Variants in MICAL3 observed in about 807,000 individuals in gnomAD.
The protein encoded by MICAL3 is [F-actin]-monooxygenase MICAL3.
A neutral mutation model predicts 207.4 loss-of-function variants in MICAL3; 62 were observed. The observed-to-expected ratio is 0.30, with a 90% confidence interval of 0.24 to 0.37. The LOEUF (loss-of-function observed/expected upper bound fraction) is 0.37, where lower values mean the gene tolerates loss of function less well. MICAL3 is among the 10% of genes least tolerant of loss of function. The pLI is 1.00. For synonymous variants in MICAL3, 1,077 were observed against 1,069.3 expected (o/e 1.01, Z -0.14); for missense variants, 2,368 against 2,635.6 (o/e 0.90, Z 2.22).
At chr22:17,919,501 T>C (rs1028782594) in intron 1 of MICAL3, among the ~76,000 whole-genome samples, 4 of 152,248 alleles carry the variant, frequency 2.6e-5, no homozygotes, top group East Asian at 3.8e-4. Flanking sequence ...TGAGGACCAC[T>C]TGATGAACAA....
intron 1 of MICAL3, among the ~76,000 whole-genome samples, chr22:17,950,166 A>ATTTTTTTTTTTTTTTTTTT (rs10657913): frequency 2.8e-5 from 4 of 144,014 alleles, no homozygotes; most frequent in African/African-American, 1.1e-4. Context: ...ACAGCTGTCT[A>ATTTTTTTTTTTTTTTTTTT]TTTTTTTTTT....
chr22:17,789,077 GC>G lies in MICAL3; in HGVS notation c.*1654del, dbSNP rs2061806504. On this transcript the variant is annotated 3_prime_UTR_variant, in exon 32 of 32. Transcript: ENST00000441493. ...ATGAGCTGTACACAGCCAGGCTGGT[GC>G]GGAACCGTGAGAAAGGAACAGTTTG... 6.6e-6 allele frequency: 1 copy of G among 152,484 alleles called. No individual in the cohort carries two copies. Among genetic ancestry groups the G allele is most frequent in the East Asian group, 1.9e-4 (1 of 5,192 alleles). The allele number at this position is 152,484 out of a possible 1,614,324, so 9.4% of individuals were successfully genotyped here.
In MICAL3 at chr22:17,958,696, G is replaced by GTT. The variant is rs1569147160; in HGVS notation, c.-74-51811_-74-51810insAA. On this transcript the variant is annotated intron_variant, in intron 1 of 31. Coordinates refer to ENST00000441493, the MANE Select transcript of MICAL3 (RefSeq NM_015241.3). ...AGGGCCTGTTGTTTTTGAGTTGTTG[G>GTT]GTTTTTTTATTTTTTTTTTCTTTTG... 1.0e-4 allele frequency among the ~76,000 whole-genome samples: 13 copies of GTT among 126,346 alleles called. 1 individual carries two copies. The East Asian group carries it at 1.2e-3, about 12-fold the overall frequency. 82.9% of individuals were successfully genotyped at this position (126,346 alleles called of 152,430 possible).
At chr22:17,865,409 C>A (rs916045002) in intron 18 of MICAL3, among the ~76,000 whole-genome samples, 1 of 152,190 alleles carries the variant, frequency 6.6e-6, no homozygotes, top group African/African-American at 2.4e-5. Flanking sequence ...AGAAGCCACC[C>A]TCATTAAAAA....
intron 22 of MICAL3, among the ~76,000 whole-genome samples, chr22:17,824,422 C>T (rs1921954293): frequency 6.6e-6 from 1 of 152,248 alleles, no homozygotes; most frequent in Admixed American, 6.5e-5. Flanking sequence ...GAAGTAGCAT[C>T]TTCTCTCCAC....
intron 29 of MICAL3, among the ~76,000 whole-genome samples, chr22:17,808,101 G>A (rs998218575): frequency 6.6e-6 from 1 of 152,262 alleles, no homozygotes; most frequent in African/African-American, 2.4e-5. Flanking sequence ...GATGCCTCAG[G>A]CACTCCCTTG....
intron 1 of MICAL3, among the ~76,000 whole-genome samples, chr22:17,959,345 C>G (rs796716533): frequency 2.0e-5 from 3 of 151,580 alleles, no homozygotes; most frequent in African/African-American, 7.3e-5. Context: ...AACAGAGTCT[C>G]GCTCTGTCAC....
intron 26 of MICAL3, 27 bp downstream of exon 26, chr22:17,817,284 T>A (rs1239459153): frequency 6.5e-7 from 1 of 1,530,642 alleles, no homozygotes; most frequent in Non-Finnish European, 8.8e-7. Context: ...CCGCTCTGCC[T>A]GCACGCGGAC....
intron 1 of MICAL3, among the ~76,000 whole-genome samples, chr22:17,951,012 C>G: frequency 6.6e-6 from 1 of 152,232 alleles, no homozygotes; most frequent in East Asian, 1.9e-4. Flanking sequence ...GGGCCAGTCT[C>G]CTACCACGGG....
chr22:17,974,181 TC>T (rs1935535140), intron 1 of MICAL3, among the ~76,000 whole-genome samples: 1 of 152,038 alleles, frequency 6.6e-6, no homozygotes, highest in African/African-American at 2.4e-5. Context: ...AAAGCCCAGC[TC>T]CCTAGGGCTT....
intron 20 of MICAL3, among the ~76,000 whole-genome samples, chr22:17,835,771 C>A (rs978803738): frequency 1.3e-5 from 2 of 152,240 alleles, no homozygotes; most frequent in African/African-American, 2.4e-5. Flanking sequence ...GCACTGGTGA[C>A]AACGCACTGT....
In MICAL3 at chr22:17,809,260, G is replaced by C. The variant is rs373028798; in HGVS notation, c.5557-323C>G. Among the ~76,000 whole-genome samples the C allele has an allele frequency of 1.1e-4, 16 of 152,370 alleles. No homozygotes were observed. The East Asian group carries it at 3.1e-3, about 29-fold the overall frequency. The stretch of plus-strand genomic sequence containing the variant: ...GAGGGGCCTGAGTACCAGAACCTCA[G>C]ACTGTTCTCACGGCAAGACTGCTAG... On this transcript the variant is annotated intron_variant, in intron 28 of 31. Coordinates refer to ENST00000441493, the MANE Select transcript of MICAL3 (RefSeq NM_015241.3).
chr22:17,882,774 G>A (rs1226766269), intron 16 of MICAL3, among the ~76,000 whole-genome samples: 6 of 152,096 alleles, frequency 3.9e-5, no homozygotes, highest in Admixed American at 6.6e-5. Context: ...TTATACATCT[G>A]CCCAGCTACT....
At chr22:17,996,275 TA>T (rs757015850) in intron 1 of MICAL3, among the ~76,000 whole-genome samples, 23 of 145,738 alleles carry the variant, frequency 1.6e-4, no homozygotes, top group Admixed American at 2.1e-4. Flanking sequence ...TTGTCTCTAC[TA>T]AAAAAAAAAT....
rs1379887015 is a variant in MICAL3, at chr22:17,790,775, T to C, written c.5966A>G (p.Glu1989Gly). 5 of 1,611,614 alleles carry C rather than the reference T, an allele frequency of 3.1e-6. No homozygotes were observed. Among genetic ancestry groups the C allele is most frequent in the African/African-American group, 1.3e-5 (1 of 74,862 alleles). Residue 1989 changes from glutamate (E) to glycine (G), a missense_variant, in exon 32 of 32, where the codon GAG (glutamate) becomes GGG (glycine). By Grantham distance (98) the Glu-to-Gly change is moderately conservative (BLOSUM62 -2). This residue lies in a region of MICAL3 where 1,770 missense variants were observed against 1,863.2 expected (regional missense o/e 0.95). Transcript: ENST00000441493. ...LREREEDKDLEAAMLSKGFSL... is the reference protein window; with the variant it reads ...LREREEDKDLGAAMLSKGFSL... ...GAAGCCCTTGGACAGCATGGCAGCC[T>C]CCAGGTCCTTGTCCTCCTCTCTCTC...
intron 1 of MICAL3, among the ~76,000 whole-genome samples, chr22:17,950,099 A>G (rs1934258787): frequency 6.6e-6 from 1 of 152,130 alleles, no homozygotes; most frequent in Non-Finnish European, 1.5e-5. Context: ...AGTGTTTCAG[A>G]AGGAGGGAAA....
intron 2 of MICAL3, 140 bp downstream of exon 2, chr22:17,906,409 C>A: frequency 6.5e-7 from 1 of 1,545,212 alleles, no homozygotes; most frequent in Non-Finnish European, 8.9e-7. Flanking sequence ...GTCGATGGCT[C>A]TGGCACAGAA....
In MICAL3 at chr22:17,871,949, G is replaced by A. The variant is rs1418523388; in HGVS notation, c.2316C>T (p.Tyr772=). ...DTCYFCQKRV[Y]VMERLSAEGK... ...CCTCGGCACTCAGCCTCTCCATCAC[G>A]TAGACCCGCTTCTGGCAGAAGTAGC... Residue 772 remains tyrosine (Y), a synonymous_variant, in exon 17 of 32, where the codon TAC becomes TAT. Coordinates refer to ENST00000441493, the MANE Select transcript of MICAL3 (RefSeq NM_015241.3). The A allele has an allele frequency of 5.0e-6, 8 of 1,611,044 alleles. No individual in the cohort carries two copies. Among genetic ancestry groups the A allele is most frequent in the East Asian group, 4.5e-5 (2 of 44,820 alleles).
chr22:17,832,842 A>G (rs1379307955), intron 20 of MICAL3, among the ~76,000 whole-genome samples: 1 of 152,174 alleles, frequency 6.6e-6, no homozygotes, highest in African/African-American at 2.4e-5. Context: ...GGCACTCCTT[A>G]GAACCCTACC....
Sources: gnomAD v4.1 joint callset for allele counts (sites outside exome capture counted in the v4.1 genomes callset) on GRCh38, gnomAD v4.1.1 for gene constraint, gnomAD v4.1.1 regional missense constraint, MANE v1.5 for transcripts, NCBI Gene and HGNC (gene_info 2026-07-23, HGNC 2026-07-21) for gene names.